Variants in CDON observed in about 807,000 individuals in gnomAD.
CDON encodes cell adhesion molecule-related/down-regulated by oncogenes.
Under a neutral mutation model 120.9 loss-of-function variants are expected in CDON, and 73 were observed. That is an observed-to-expected ratio of 0.60 (90% CI 0.50 to 0.73). CDON has a LOEUF of 0.73. Among genes scored for constraint, CDON ranks in the 30% least tolerant of loss-of-function variants. The pLI, the probability that CDON is intolerant of heterozygous loss-of-function variation, is 0.00. For synonymous variants in CDON, 566 were observed against 573.5 expected (o/e 0.99, Z 0.19); for missense variants, 1,470 against 1,587.3 (o/e 0.93, Z 1.26).
intron 1 of CDON, among the ~76,000 whole-genome samples, chr11:126,024,094 G>C (rs563103123): frequency 1.3e-5 from 2 of 152,306 alleles, no homozygotes; most frequent in African/African-American, 4.8e-5. Context: ...TCAGGCCTGT[G>C]TTGGGATTGG....
At chr11:126,055,998 C>T (rs1171613246) in intron 1 of CDON, among the ~76,000 whole-genome samples, 4 of 152,178 alleles carry the variant, frequency 2.6e-5, no homozygotes. Context: ...ATATTTCCTA[C>T]CTCCAAAATC....
intron 1 of CDON, among the ~76,000 whole-genome samples, chr11:126,047,205 G>A (rs1159823652): frequency 6.6e-6 from 1 of 152,154 alleles, no homozygotes; most frequent in African/African-American, 2.4e-5. Context: ...GTATTAAACT[G>A]AAGAATGTTT....
chr11:126,023,946 A>T (rs1379906807), intron 1 of CDON, among the ~76,000 whole-genome samples: 1 of 152,250 alleles, frequency 6.6e-6, no homozygotes, highest in African/African-American at 2.4e-5. Flanking sequence ...ACTATGTGCC[A>T]GACACCATTT....
At chr11:126,038,750 A>C (rs143985274) in intron 1 of CDON, among the ~76,000 whole-genome samples, 2,008 of 152,290 alleles carry the variant, frequency 0.013, 44 homozygotes, top group African/African-American at 0.046. Flanking sequence ...TTACGTTTTA[A>C]GATGTTTCAT....
intron 9 of CDON, chr11:126,004,524 A>C (rs780945932): frequency 4.1e-5 from 7 of 170,542 alleles, no homozygotes; most frequent in Non-Finnish European, 8.8e-5. Flanking sequence ...ATAATTATGT[A>C]TATTTCCAGC....
intron 17 of CDON, among the ~76,000 whole-genome samples, chr11:125,980,026 A>G (rs889599419): frequency 2.0e-5 from 3 of 152,206 alleles, no homozygotes; most frequent in Non-Finnish European, 4.4e-5. Flanking sequence ...TGGGGGGAAA[A>G]AAAACTCTAA....
chr11:125,990,799 CA>C (rs1032681478), intron 14 of CDON, among the ~76,000 whole-genome samples: 8 of 152,146 alleles, frequency 5.3e-5, no homozygotes, highest in African/African-American at 1.9e-4. Context: ...GTCAACAGTA[CA>C]AAACCCTTCA....
intron 18 of CDON, among the ~76,000 whole-genome samples, chr11:125,965,604 C>A (rs1249233973): frequency 6.6e-6 from 1 of 152,012 alleles, no homozygotes; most frequent in Non-Finnish European, 1.5e-5. Context: ...CAGTAAACAC[C>A]CTAGGCTTTT....
Position 125,956,858 on chromosome 11 carries a change from G to A in CDON, c.*4084C>T. Reference sequence around the variant, plus strand: ...AGAGTTAGACTTTATTAGATAAGGGGTTTCGGCTACCCTCAAAGCTCTCAG... The same window carrying A: ...AGAGTTAGACTTTATTAGATAAGGGATTTCGGCTACCCTCAAAGCTCTCAG... On this transcript the variant is annotated 3_prime_UTR_variant, in exon 20 of 20. Transcript: ENST00000531738. 1 of 986,076 alleles carries A rather than the reference G, an allele frequency of 1.0e-6. No homozygotes were observed. 61.1% of individuals were successfully genotyped at this position (986,076 alleles called of 1,614,324 possible).
chr11:125,989,881 A>AT lies in CDON; in HGVS notation c.2651-123dup, dbSNP rs1282033213. On this transcript the variant is annotated intron_variant, in intron 14 of 19. Coordinates refer to ENST00000531738, the MANE Select transcript of CDON (RefSeq NM_001378964.1). ...CCACTACCATCCAGTAGTTTGTGCAATAAAAATGTACTTAATAGTAAGTAT... is the reference window on the plus strand; with the variant it reads ...CCACTACCATCCAGTAGTTTGTGCAATTAAAAATGTACTTAATAGTAAGTAT... 82 of 836,558 alleles carry AT rather than the reference A, an allele frequency of 9.8e-5. No homozygotes were observed. In the East Asian group the frequency reaches 2.2e-3, roughly 23 times the overall value. 51.8% of individuals were successfully genotyped at this position (836,558 alleles called of 1,614,324 possible).
At chr11:125,966,471 C>G (rs1316707103) in intron 18 of CDON, among the ~76,000 whole-genome samples, 1 of 152,020 alleles carries the variant, frequency 6.6e-6, no homozygotes, top group African/African-American at 2.4e-5. Flanking sequence ...GCTGAAGGAA[C>G]AGAGGAGGCA....
At chr11:125,968,091 T>C (rs1461102808) in intron 18 of CDON, among the ~76,000 whole-genome samples, 1 of 152,066 alleles carries the variant, frequency 6.6e-6, no homozygotes, top group Non-Finnish European at 1.5e-5. Flanking sequence ...AGAAATAAAA[T>C]TAAGATACAG....
rs1407476559 is a variant in CDON, at chr11:126,018,326, T to G, written c.640+4A>C. ...CAGTTACCATTATTCTCCCAAATAC[T>G]TACGACTCACAAGGAGCTTTCGGCC... On this transcript the variant is annotated splice_donor_region_variant and intron_variant, in intron 5 of 19. Transcript: ENST00000531738. 1 of 1,613,278 alleles carries G rather than the reference T, an allele frequency of 6.2e-7. No homozygotes were observed. Among genetic ancestry groups the G allele is most frequent in the East Asian group, 2.2e-5 (1 of 44,888 alleles).
At chr11:126,036,475 A>G (rs908919630) in intron 1 of CDON, among the ~76,000 whole-genome samples, 1 of 152,196 alleles carries the variant, frequency 6.6e-6, no homozygotes, top group Non-Finnish European at 1.5e-5. Flanking sequence ...ATTCTCATGT[A>G]TAAGTCTTGG....
intron 14 of CDON, 148 bp from the exon 15 acceptor site, chr11:125,989,907 T>C: frequency 1.4e-6 from 1 of 695,154 alleles, no homozygotes; most frequent in South Asian, 1.6e-5. Context: ...TAGTAAGTAT[T>C]TGACTAATGC....
At chr11:126,027,153 T>C (rs1381769052) in intron 1 of CDON, among the ~76,000 whole-genome samples, 6 of 152,232 alleles carry the variant, frequency 3.9e-5, no homozygotes, top group Admixed American at 1.3e-4. Flanking sequence ...TAAACACGTG[T>C]TGGCTTGGTT....
intron 1 of CDON, among the ~76,000 whole-genome samples, chr11:126,043,984 C>A (rs1395452315): frequency 6.6e-6 from 1 of 152,188 alleles, no homozygotes. Flanking sequence ...TGCCCAGGTG[C>A]ATTTGCATTT....
chr11:126,028,748 T>A (rs1022824335), intron 1 of CDON, among the ~76,000 whole-genome samples: 7 of 130,074 alleles, frequency 5.4e-5, no homozygotes, highest in Non-Finnish European at 8.7e-5. Flanking sequence ...TTATTTATTA[T>A]GTCTTGTATT....
intron 15 of CDON, among the ~76,000 whole-genome samples, chr11:125,988,256 A>T (rs2134483442): frequency 6.6e-6 from 1 of 152,304 alleles, no homozygotes; most frequent in Non-Finnish European, 1.5e-5. Context: ...GAAAATAGAC[A>T]CGGTCAGATA....
Sources: allele counts gnomAD v4.1 joint callset (sites outside exome capture counted in the v4.1 genomes callset), GRCh38; gene constraint gnomAD v4.1.1; transcripts MANE v1.5; gene names NCBI Gene and HGNC (gene_info 2026-07-23, HGNC 2026-07-21).